Variants in MSL2 observed in about 807,000 individuals in gnomAD.
MSL2 encodes the protein MSL complex subunit 2.
MSL2 carries 2 observed loss-of-function variants against 35.8 expected under a neutral mutation model. The ratio of observed to expected loss-of-function variants is 0.06; its 90% CI spans 0.02 to 0.18. The LOEUF (loss-of-function observed/expected upper bound fraction) is 0.18. Ranked by LOEUF, MSL2 falls within the 10% of genes least tolerant of loss-of-function variation. The probability of loss-of-function intolerance (pLI) is 1.00; values close to 1 mark genes in which losing one functional copy is unlikely to be tolerated. For synonymous variants in MSL2, 296 were observed against 255.7 expected (o/e 1.16, Z -1.50); for missense variants, 523 against 706.7 (o/e 0.74, Z 2.95).
chr3:136,190,958 G>A (rs948730026), intron 1 of MSL2, among the ~76,000 whole-genome samples: 10 of 152,074 alleles, frequency 6.6e-5, no homozygotes, highest in Admixed American at 3.3e-4. Flanking sequence ...CAAAGCAATT[G>A]AAAAACAAGC....
chr3:136,170,368 A>C (rs1939990902), intron 1 of MSL2, among the ~76,000 whole-genome samples: 2 of 151,010 alleles, frequency 1.3e-5, no homozygotes, highest in African/African-American at 2.4e-5. Flanking sequence ...AAAAAAAACC[A>C]TTGTTAACTA....
rs1939346072 is a variant in MSL2 at position 136,150,998 on chromosome 3, C to T, written c.*149G>A. 9.6e-6 allele frequency: 8 copies of T among 837,068 alleles called. No individual in the cohort carries two copies. Among genetic ancestry groups the T allele is most frequent in the Non-Finnish European group, 1.5e-5 (8 of 534,538 alleles). 51.9% of individuals were successfully genotyped at this position (837,068 alleles called of 1,614,324 possible). A position where few individuals can be genotyped will look rare whatever the true frequency, so the allele number is the denominator to read the frequency against. The stretch of plus-strand genomic sequence containing the variant: ...CTCCATTATCTGCAAACTATTTCCC[C>T]GACACTAACACATATAACTTAGCAA... On this transcript the variant is annotated 3_prime_UTR_variant, in exon 2 of 2. Transcript: ENST00000309993.
intron 1 of MSL2, among the ~76,000 whole-genome samples, chr3:136,155,208 A>G (rs75496301): frequency 1.8e-4 from 26 of 140,852 alleles, no homozygotes; most frequent in South Asian, 6.6e-4. Context: ...GACTGTCTGG[A>G]AAAAAAAAAA....
intron 1 of MSL2, among the ~76,000 whole-genome samples, chr3:136,166,061 G>GT (rs1268608721): frequency 3.3e-5 from 1 of 30,368 alleles, no homozygotes; most frequent in Non-Finnish European, 6.1e-5. Flanking sequence ...GTACGTACCA[G>GT]TAAAAAAAAA....
intron 1 of MSL2, among the ~76,000 whole-genome samples, chr3:136,163,012 A>G (rs575197286): frequency 2.0e-3 from 304 of 150,586 alleles, no homozygotes; most frequent in Middle Eastern, 6.9e-3. Context: ...GAAAGTTGTT[A>G]AGAGAGAAAA....
intron 1 of MSL2, among the ~76,000 whole-genome samples, chr3:136,190,270 C>G (rs1940650408): frequency 6.6e-6 from 1 of 152,006 alleles, no homozygotes. Context: ...TCACAGGTGA[C>G]CAATAAAGAA....
At chr3:136,180,153 A>AC (rs1238949014) in intron 1 of MSL2, among the ~76,000 whole-genome samples, 1 of 152,234 alleles carries the variant, frequency 6.6e-6, no homozygotes. Flanking sequence ...GGCATACATT[A>AC]CACAGGGGCA....
chr3:136,187,982 G>A (rs1256224210), intron 1 of MSL2, among the ~76,000 whole-genome samples: 3 of 152,122 alleles, frequency 2.0e-5, no homozygotes, highest in African/African-American at 7.2e-5. Context: ...CAGGGTGAAT[G>A]TCACATTCCT....
At chr3:136,183,407 T>C (rs1301040156) in intron 1 of MSL2, among the ~76,000 whole-genome samples, 1 of 152,058 alleles carries the variant, frequency 6.6e-6, no homozygotes, top group East Asian at 1.9e-4. Flanking sequence ...TGAAAAATTT[T>C]TAAAATGAAA....
intron 1 of MSL2, among the ~76,000 whole-genome samples, chr3:136,183,962 A>G (rs990153445): frequency 7.9e-5 from 12 of 152,244 alleles, no homozygotes; most frequent in Non-Finnish European, 1.5e-4. Flanking sequence ...TATCCAGGTA[A>G]TAAGATTTCA....
At chr3:136,170,193 A>G (rs990457932) in intron 1 of MSL2, among the ~76,000 whole-genome samples, 1 of 150,744 alleles carries the variant, frequency 6.6e-6, no homozygotes, top group Non-Finnish European at 1.5e-5. Context: ...AAATATATAT[A>G]TATACAAAAA....
Position 136,179,060 on chromosome 3 carries a change from T to A in MSL2, c.142+15912A>T, listed in dbSNP as rs897338712. Among the ~76,000 whole-genome samples the A allele has an allele frequency of 4.0e-5, 6 of 148,314 alleles. No individual in the cohort carries two copies. The South Asian group carries it at 1.3e-3, about 32-fold the overall frequency. On this transcript the variant is annotated intron_variant, in intron 1 of 1. Coordinates refer to ENST00000309993, the MANE Select transcript of MSL2 (RefSeq NM_018133.4). ...TGGAACGCAGTGGCACAATCAGAAT[T>A]CACCACAGCCTTGACCTCCAAGGCT...
intron 1 of MSL2, among the ~76,000 whole-genome samples, chr3:136,192,138 G>C (rs546500217): frequency 5.9e-5 from 9 of 152,172 alleles, no homozygotes; most frequent in African/African-American, 1.9e-4. Context: ...CTTATGACTG[G>C]AACAAAGGTT....
Position 136,151,971 on chromosome 3 carries a change from G to T in MSL2, c.910C>A (p.Leu304Met). Residue 304 changes from leucine (L) to methionine (M), a missense_variant, in exon 2 of 2, where the codon CTG becomes ATG. Leu to Met is a conservative substitution (Grantham distance 15). This residue lies in a region of MSL2 where 361 missense variants were observed against 414.6 expected (regional missense o/e 0.87). Coordinates refer to ENST00000309993, the MANE Select transcript of MSL2 (RefSeq NM_018133.4). This position sits in a 1 kb window ranked among gnomAD's most constrained non-coding sequence, Gnocchi z 5.2. ...LEATVSNGPFLQLSSQSLSHN... is the reference protein window; with the variant it reads ...LEATVSNGPFMQLSSQSLSHN... ...CTAAGAGACTGGGAAGAAAGCTGCA[G>T]AAAAGGTCCATTGGATACAGTGGCT... The T allele has an allele frequency of 6.2e-7, 1 of 1,614,214 alleles. No individual in the cohort carries two copies. The highest frequency in any genetic ancestry group is 2.2e-5 in the East Asian group (1 of 44,892).
intron 1 of MSL2, among the ~76,000 whole-genome samples, chr3:136,157,979 A>T (rs1344036352): frequency 6.6e-6 from 1 of 152,204 alleles, no homozygotes; most frequent in Non-Finnish European, 1.5e-5. Context: ...TTTAAAGGCC[A>T]GTAACTACTA....
chr3:136,154,882 C>A (rs1004199512), intron 1 of MSL2, among the ~76,000 whole-genome samples: 1 of 152,120 alleles, frequency 6.6e-6, no homozygotes, highest in Non-Finnish European at 1.5e-5. Flanking sequence ...GACAGCAAGA[C>A]CCTGTCTCTA....
rs565797156 is a variant in MSL2, at chr3:136,154,922, G to A, written c.143-2184C>T. On this transcript the variant is annotated intron_variant, in intron 1 of 1. Coordinates refer to ENST00000309993, the MANE Select transcript of MSL2 (RefSeq NM_018133.4). ...AAATTATAATACATTTTAAGAAAGCGGCTGGGCAGGGCGCAGTGGCTCACA... is the reference window on the plus strand; with the variant it reads ...AAATTATAATACATTTTAAGAAAGCAGCTGGGCAGGGCGCAGTGGCTCACA... Among the ~76,000 whole-genome samples, 10 of 152,202 alleles carry A rather than the reference G, an allele frequency of 6.6e-5. No homozygotes were observed. In the South Asian group the frequency reaches 8.3e-4, roughly 13 times the overall value.
At chr3:136,188,116 G>A (rs754129014) in intron 1 of MSL2, among the ~76,000 whole-genome samples, 6 of 152,070 alleles carry the variant, frequency 3.9e-5, no homozygotes, top group Non-Finnish European at 7.4e-5. Context: ...CAAGCCAAAG[G>A]TTTTCTCCTT....
chr3:136,187,397 T>C (rs968259868), intron 1 of MSL2, among the ~76,000 whole-genome samples: 2 of 152,148 alleles, frequency 1.3e-5, no homozygotes, highest in African/African-American at 4.8e-5. Context: ...GCGCAGTGGC[T>C]CACGCCTGTA....
Sources: allele counts gnomAD v4.1 joint callset (sites outside exome capture counted in the v4.1 genomes callset), GRCh38; gene constraint gnomAD v4.1.1; regional missense constraint gnomAD v4.1.1; non-coding constraint Gnocchi (gnomAD v3.1); transcripts MANE v1.5; gene names NCBI Gene and HGNC (gene_info 2026-07-23, HGNC 2026-07-21).